AMBRA1: variants seen among roughly 807,000 people sequenced by gnomAD.
AMBRA1 encodes the protein autophagy and beclin 1 regulator 1.
In AMBRA1, 47 loss-of-function variants were observed where a neutral mutation model predicts 125.4. That is an observed-to-expected ratio of 0.37 (90% CI 0.30 to 0.48). The LOEUF (loss-of-function observed/expected upper bound fraction) is 0.48. AMBRA1 is among the 20% of genes least tolerant of loss of function. The pLI is 0.99. For missense variants in AMBRA1, 1,331 were observed against 1,693.4 expected (o/e 0.79, Z 3.76); for synonymous variants, 626 against 655.5 (o/e 0.95, Z 0.69).
chr11:46,418,536 G>A (rs1005610146), intron 14 of AMBRA1, among the ~76,000 whole-genome samples: 1 of 151,696 alleles, frequency 6.6e-6, no homozygotes, highest in African/African-American at 2.4e-5. Flanking sequence ...ATCTTCTAAT[G>A]CTATCCCTCC....
intron 1 of AMBRA1, among the ~76,000 whole-genome samples, chr11:46,586,812 G>T (rs1016502709): frequency 5.3e-5 from 8 of 152,098 alleles, no homozygotes; most frequent in Admixed American, 4.6e-4. Context: ...GCTGGAATTT[G>T]AACCAGGCTG....
intron 3 of AMBRA1, 59 bp from the exon 4 acceptor site, chr11:46,547,355 T>G: frequency 6.8e-7 from 1 of 1,479,024 alleles, no homozygotes; most frequent in Non-Finnish European, 9.2e-7. Context: ...ACCAATCTTA[T>G]CAACTTTGGA....
chr11:46,453,235 C>T (rs561807728), intron 11 of AMBRA1, among the ~76,000 whole-genome samples: 12 of 152,048 alleles, frequency 7.9e-5, no homozygotes, highest in East Asian at 1.9e-4. Context: ...AGTTTATCCA[C>T]GCTTATTGCA....
chr11:46,584,532 TAAA>T (rs996265112), intron 1 of AMBRA1, among the ~76,000 whole-genome samples: 8 of 149,044 alleles, frequency 5.4e-5, no homozygotes, highest in African/African-American at 9.9e-5. Context: ...ATAATAATAA[TAAA>T]AAGAAAAAAA....
chr11:46,551,960 G>A (rs1348367840), intron 1 of AMBRA1, among the ~76,000 whole-genome samples: 8 of 148,248 alleles, frequency 5.4e-5, no homozygotes, highest in Non-Finnish European at 1.0e-4. Flanking sequence ...CCCAGGAGGC[G>A]GAGGTTGTAG....
intron 14 of AMBRA1, among the ~76,000 whole-genome samples, chr11:46,424,578 G>T (rs1947021672): frequency 6.6e-6 from 1 of 152,224 alleles, no homozygotes; most frequent in African/African-American, 2.4e-5. Flanking sequence ...TGGGCGTGAT[G>T]GCTCCTGCCT....
At chr11:46,453,301 T>A (rs1266891084) in intron 11 of AMBRA1, among the ~76,000 whole-genome samples, 1 of 152,058 alleles carries the variant, frequency 6.6e-6, no homozygotes, top group Non-Finnish European at 1.5e-5. Flanking sequence ...GGTCTCATTC[T>A]ATCACCCAGG....
At chr11:46,439,545 A>T (rs906534009) in intron 12 of AMBRA1, among the ~76,000 whole-genome samples, 1 of 152,192 alleles carries the variant, frequency 6.6e-6, no homozygotes, top group Non-Finnish European at 1.5e-5. Context: ...CTAGTGAATC[A>T]AAGACTTAAC....
At chr11:46,540,078 C>G (rs1952663216) in intron 7 of AMBRA1, among the ~76,000 whole-genome samples, 1 of 152,150 alleles carries the variant, frequency 6.6e-6, no homozygotes, top group African/African-American at 2.4e-5. Context: ...GTGGTCTGCC[C>G]GACTCAGCCT....
intron 1 of AMBRA1, 79 bp from the exon 2 acceptor site, chr11:46,548,579 A>G: frequency 1.7e-6 from 1 of 597,380 alleles, no homozygotes; most frequent in Admixed American, 3.2e-5. Context: ...TCTAGCTCAA[A>G]AGGGAAATTA....
intron 11 of AMBRA1, among the ~76,000 whole-genome samples, chr11:46,480,629 ATT>A (rs938744073): frequency 6.6e-6 from 1 of 152,182 alleles, no homozygotes; most frequent in African/African-American, 2.4e-5. Context: ...AATTCATTTT[ATT>A]TTTTCTTCTA....
rs192391980 is a variant in AMBRA1 at position 46,517,216 on chromosome 11, C to T, written c.2073-4403G>A. ...AGGCTGGAGTGCAATGGTGCAATCT[C>T]GGCTCACTGCAACCTCCGCCTCCCG... On this transcript the variant is annotated intron_variant, in intron 7 of 17. Transcript: ENST00000683756. Among the ~76,000 whole-genome samples the T allele has an allele frequency of 3.4e-3, 488 of 143,498 alleles. 3 individuals carry two copies. Among genetic ancestry groups the T allele is most frequent in the African/African-American group, 0.012 (473 of 38,390 alleles). The allele number at this position is 143,498 out of a possible 152,430, so 94.1% of individuals were successfully genotyped here.
chr11:46,514,062 T>C (rs1194166714), intron 7 of AMBRA1, among the ~76,000 whole-genome samples: 2 of 152,068 alleles, frequency 1.3e-5, no homozygotes, highest in East Asian at 3.9e-4. Context: ...GAGGAACGCA[T>C]ATTGTTCCTC....
At chr11:46,519,428 T>C (rs1006878466) in intron 7 of AMBRA1, among the ~76,000 whole-genome samples, 18 of 152,158 alleles carry the variant, frequency 1.2e-4, no homozygotes, top group African/African-American at 4.1e-4. Context: ...TACTAAAAAA[T>C]TATAACCTGA....
chr11:46,580,218 A>T (rs1428940179), intron 1 of AMBRA1, among the ~76,000 whole-genome samples: 4 of 152,138 alleles, frequency 2.6e-5, no homozygotes, highest in Non-Finnish European at 5.9e-5. Context: ...TTCTCTAATA[A>T]CAAGCTCTTA....
chr11:46,543,401 G>C lies in AMBRA1; in HGVS notation c.619-3C>G. ...GGGATCTCTGGTTCGTCATCACCCT[G>C]CAACGTGGACCAGCATGGGGCAGGG... is the stretch of plus-strand genomic sequence containing the variant. On this transcript the variant is annotated splice_region_variant and splice_polypyrimidine_tract_variant and intron_variant, in intron 6 of 17. Transcript: ENST00000683756. 6.2e-7 allele frequency: 1 copy of C among 1,613,628 alleles called. No homozygotes were observed. The highest frequency in any genetic ancestry group is 8.5e-7 in the Non-Finnish European group (1 of 1,179,810).
At chr11:46,511,602 AC>A (rs1235500488) in intron 8 of AMBRA1, among the ~76,000 whole-genome samples, 2 of 152,138 alleles carry the variant, frequency 1.3e-5, no homozygotes, top group East Asian at 3.9e-4. Flanking sequence ...CAACCCCACA[AC>A]TGTAAATTAC....
At chr11:46,462,754 C>T (rs543345090) in intron 11 of AMBRA1, among the ~76,000 whole-genome samples, 1 of 152,036 alleles carries the variant, frequency 6.6e-6, no homozygotes, top group Non-Finnish European at 1.5e-5. Flanking sequence ...TAATTCACCC[C>T]CCTCCTTTTT....
intron 9 of AMBRA1, among the ~76,000 whole-genome samples, chr11:46,502,839 T>C (rs12576359): frequency 2.6e-5 from 4 of 151,776 alleles, no homozygotes; most frequent in African/African-American, 9.7e-5. Context: ...AGTGGGCAGA[T>C]CACGAGGTCA....
Sources: allele counts gnomAD v4.1 joint callset (sites outside exome capture counted in the v4.1 genomes callset), GRCh38; gene constraint gnomAD v4.1.1; transcripts MANE v1.5; gene names NCBI Gene and HGNC (gene_info 2026-07-23, HGNC 2026-07-21).